Variants in VPS13B observed in about 807,000 individuals in gnomAD.
The protein encoded by VPS13B is vacuolar protein sorting 13 homolog B.
VPS13B carries 285 observed loss-of-function variants against 426.4 expected under a neutral mutation model. The observed-to-expected ratio is 0.67, with a 90% CI of 0.61 to 0.74. VPS13B has a LOEUF of 0.74. Ranked by LOEUF, VPS13B falls within the 30% of genes least tolerant of loss-of-function variation. VPS13B has a pLI of 0.00. For missense variants in VPS13B, 4,537 were observed against 4,782.6 expected, an observed-to-expected ratio of 0.95 and a Z score of 1.51; for synonymous variants, 1,676 against 1,676.4, an observed-to-expected ratio of 1.00 and a Z score of 0.01.
At chr8:99,361,117 A>ATTTTACC (rs1563687830) in intron 19 of VPS13B, among the ~76,000 whole-genome samples, 1 of 152,188 alleles carries the variant, frequency 6.6e-6, no homozygotes, top group Non-Finnish European at 1.5e-5. Flanking sequence ...TAAAATGAAG[A>ATTTTACC]TAATACCTGG....
Position 99,556,597 on chromosome 8 carries a change from A to G in VPS13B, c.4893A>G (p.Val1631=), listed in dbSNP as rs762427082. Reference sequence around the variant, plus strand: ...AGGAAAGTGTCTCAGGAGGGGTGGTAACAGAGACTGAAAGGAATTCTCAAA... The same window carrying G: ...AGGAAAGTGTCTCAGGAGGGGTGGTGACAGAGACTGAAAGGAATTCTCAAA... ...PEKESVSGGV[V]TETERNSQNP... is the part of the protein sequence containing the mutation. The change falls in exon 31 of 62, where the codon GTA becomes GTG. Residue 1631 remains valine (V), a synonymous_variant. Coordinates refer to ENST00000357162, the MANE Select transcript of VPS13B (RefSeq NM_152564.5). 6.2e-7 allele frequency: 1 copy of G among 1,613,260 alleles called. No individual in the cohort carries two copies. Among genetic ancestry groups the G allele is most frequent in the East Asian group, 2.2e-5 (1 of 44,848 alleles).
chr8:99,833,931 G>A (rs188576875), intron 52 of VPS13B, among the ~76,000 whole-genome samples: 54 of 152,316 alleles, frequency 3.5e-4, no homozygotes, highest in Middle Eastern at 3.4e-3. Flanking sequence ...GCTGTTTATC[G>A]AAGAACTATA....
At chr8:99,166,066 G>A (rs1436909043) in intron 15 of VPS13B, among the ~76,000 whole-genome samples, 2 of 152,104 alleles carry the variant, frequency 1.3e-5, no homozygotes, top group Non-Finnish European at 2.9e-5. Context: ...TGCAACGTCC[G>A]CCTCCCGGGT....
chr8:99,821,367 A>G lies in VPS13B; in HGVS notation c.9068A>G (p.His3023Arg), dbSNP rs755304703. ...VHKSVAIKLVHNLTSPKWKDG... is the reference protein window; with the variant it reads ...VHKSVAIKLVRNLTSPKWKDG... ...AAGTCAGTAGCAATTAAACTGGTCC[A>G]TAACCTGACATCTCCAAAGTGGAAA... Residue 3023 changes from histidine to arginine, a missense_variant, in exon 50 of 62, where the codon CAT becomes CGT. This residue lies in a region of VPS13B where 4,311 missense variants were observed against 4,474.3 expected (regional missense o/e 0.96). Coordinates refer to ENST00000357162, the MANE Select transcript of VPS13B (RefSeq NM_152564.5). 5.6e-6 allele frequency: 9 copies of G among 1,613,908 alleles called. No homozygotes were observed. The highest frequency in any genetic ancestry group is 3.3e-5 in the Admixed American group (2 of 60,002).
chr8:99,360,573 G>A (rs947174651), intron 19 of VPS13B, among the ~76,000 whole-genome samples: 1 of 151,874 alleles, frequency 6.6e-6, no homozygotes, highest in South Asian at 2.1e-4. Flanking sequence ...CACCCCACCC[G>A]GCCATTTCTT....
At chr8:99,190,481 C>A (rs545316167) in intron 16 of VPS13B, among the ~76,000 whole-genome samples, 5 of 151,600 alleles carry the variant, frequency 3.3e-5, no homozygotes, top group Admixed American at 1.3e-4. Flanking sequence ...TGTTTGTTTT[C>A]TTTTTTCTTT....
chr8:99,774,756 C>A (rs1811661905), intron 40 of VPS13B, among the ~76,000 whole-genome samples: 1 of 152,158 alleles, frequency 6.6e-6, no homozygotes, highest in Non-Finnish European at 1.5e-5. Flanking sequence ...TGAATAAATA[C>A]AAGTTTTAAT....
intron 17 of VPS13B, among the ~76,000 whole-genome samples, chr8:99,268,188 G>A (rs550501345): frequency 1.3e-4 from 20 of 152,234 alleles, no homozygotes; most frequent in Admixed American, 2.0e-4. Flanking sequence ...TGCTACAGGG[G>A]CAGAGCCCTC....
intron 21 of VPS13B, among the ~76,000 whole-genome samples, chr8:99,414,904 G>A (rs1815908759): frequency 6.6e-6 from 1 of 152,042 alleles, no homozygotes; most frequent in Non-Finnish European, 1.5e-5. Context: ...TCTTCTCAAG[G>A]AGTATCTTTG....
At position 99,134,836 on chromosome 8, in the gene VPS13B, T is replaced by C. The variant is rs1809989171; in HGVS notation, c.1302+109T>C. ...TATTTAAAAATACAAGTAAGATGTT[T>C]GTTTCTTATTTTAATAGAGTTTACT... On this transcript the variant is annotated intron_variant, in intron 9 of 61. Transcript: ENST00000357162. 3 of 1,193,470 alleles carry C rather than the reference T, an allele frequency of 2.5e-6. No individual in the cohort carries two copies. In the South Asian group the frequency reaches 4.3e-5, roughly 17 times the overall value. The allele number at this position is 1,193,470 out of a possible 1,614,324, so 73.9% of individuals were successfully genotyped here.
chr8:99,034,431 A>G lies in VPS13B; in HGVS notation c.148-3992A>G, dbSNP rs572321313. On this transcript the variant is annotated intron_variant, in intron 2 of 61. Transcript: ENST00000357162. Reference sequence around the variant, plus strand: ...ATAAGTCTGTTTTTTTTTTTTTTAAATTCTCTATGTTCATGAGGCCTCATG... The same window carrying G: ...ATAAGTCTGTTTTTTTTTTTTTTAAGTTCTCTATGTTCATGAGGCCTCATG... Among the ~76,000 whole-genome samples, 401 of 150,748 alleles carry G rather than the reference A, an allele frequency of 2.7e-3. 3 individuals are homozygous for G. Among genetic ancestry groups the G allele is most frequent in the African/African-American group, 9.4e-3 (388 of 41,088 alleles).
chr8:99,733,848 CT>C (rs1833700983), intron 39 of VPS13B, among the ~76,000 whole-genome samples: 1 of 151,094 alleles, frequency 6.6e-6, no homozygotes, highest in Non-Finnish European at 1.5e-5. Flanking sequence ...TAGCAGCAAC[CT>C]TTTTAGCAGC....
intron 30 of VPS13B, among the ~76,000 whole-genome samples, chr8:99,543,448 C>G (rs1435048578): frequency 2.6e-5 from 4 of 151,364 alleles, no homozygotes; most frequent in South Asian, 2.1e-4. Flanking sequence ...CAACAAAAGC[C>G]AAAATTGACA....
intron 8 of VPS13B, among the ~76,000 whole-genome samples, chr8:99,124,211 C>A (rs1224297449): frequency 6.6e-6 from 1 of 152,020 alleles, no homozygotes. Context: ...AAGAATGGAT[C>A]CTTGGATTTG....
chr8:99,658,141 T>A (rs1425536679), intron 34 of VPS13B, among the ~76,000 whole-genome samples: 8 of 152,196 alleles, frequency 5.3e-5, no homozygotes, highest in Admixed American at 5.2e-4. Flanking sequence ...TTTAAGAAAC[T>A]ATAGGAACAT....
chr8:99,807,813 A>T (rs1813480320), intron 43 of VPS13B, among the ~76,000 whole-genome samples: 1 of 150,778 alleles, frequency 6.6e-6, no homozygotes, highest in African/African-American at 2.4e-5. Flanking sequence ...AACTTGAGTG[A>T]GGCCATATTA....
intron 43 of VPS13B, among the ~76,000 whole-genome samples, chr8:99,803,881 A>G (rs1185934420): frequency 6.6e-6 from 1 of 152,092 alleles, no homozygotes; most frequent in Non-Finnish European, 1.5e-5. Context: ...TAGTATTTTA[A>G]CTTAATTTTT....
intron 8 of VPS13B, among the ~76,000 whole-genome samples, chr8:99,129,443 C>T (rs1470846727): frequency 6.6e-6 from 1 of 151,200 alleles, no homozygotes; most frequent in Non-Finnish European, 1.5e-5. Flanking sequence ...TGGCGCTTGC[C>T]TGTAATCCTA....
At chr8:99,707,821 TG>T (rs1352588963) in intron 36 of VPS13B, among the ~76,000 whole-genome samples, 4 of 152,150 alleles carry the variant, frequency 2.6e-5, no homozygotes, top group Non-Finnish European at 4.4e-5. Flanking sequence ...GGATACTGTA[TG>T]GTGGAGTTGA....
Sources: gnomAD v4.1 joint callset for allele counts (sites outside exome capture counted in the v4.1 genomes callset) on GRCh38, gnomAD v4.1.1 for gene constraint, gnomAD v4.1.1 regional missense constraint, MANE v1.5 for transcripts, NCBI Gene and HGNC (gene_info 2026-07-23, HGNC 2026-07-21) for gene names.